The following GLB1L3 variants were observed in gnomAD, a reference collection of about 807,000 sequenced individuals.
GLB1L3 encodes the protein galactosidase beta 1 like 3.
In GLB1L3, 89 loss-of-function variants were observed where a neutral mutation model predicts 89.5. The ratio of observed to expected loss-of-function variants is 0.99; its 90% CI spans 0.84 to 1.19. GLB1L3 has a LOEUF of 1.19. Ranked by LOEUF, GLB1L3 falls within the 50% of genes most tolerant of loss-of-function variation. GLB1L3 has a pLI of 0.00. For synonymous variants in GLB1L3, 314 were observed against 312.3 expected, an observed-to-expected ratio of 1.01 and a Z score of -0.06; for missense variants, 812 against 813.3, an observed-to-expected ratio of 1.00 and a Z score of 0.02.
At chr11:134,300,356 A>G (rs1220403941) in intron 9 of GLB1L3, among the ~76,000 whole-genome samples, 19 of 140,196 alleles carry the variant, frequency 1.4e-4, no homozygotes. Flanking sequence ...TTTTTGAGAC[A>G]TAGTCTTGCT....
At chr11:134,283,156 G>T (rs1447698830) in intron 5 of GLB1L3, among the ~76,000 whole-genome samples, 2 of 151,978 alleles carry the variant, frequency 1.3e-5, no homozygotes, top group African/African-American at 4.8e-5. Context: ...TCTGCCTCCC[G>T]GGTTCAAGCG....
Position 134,276,434 on chromosome 11 carries a change from A to AC in GLB1L3, c.-303dup, listed in dbSNP as rs943717986. ...TTAGGAAGCCCGAGGTCGGGGCGTT[A>AC]CCCCAAGGGCCCTCCCGCTTCCCCT... On this transcript the variant is annotated 5_prime_UTR_variant, in exon 1 of 20. Transcript: ENST00000431683. 2 of 316,912 alleles carry AC rather than the reference A, an allele frequency of 6.3e-6. No individual in the cohort carries two copies. Among genetic ancestry groups the AC allele is most frequent in the African/African-American group, 4.3e-5 (2 of 46,046 alleles). 19.6% of individuals were successfully genotyped at this position (316,912 alleles called of 1,614,324 possible).
intron 18 of GLB1L3, among the ~76,000 whole-genome samples, chr11:134,318,213 T>A (rs1480283223): frequency 2.0e-5 from 3 of 152,196 alleles, no homozygotes; most frequent in African/African-American, 7.2e-5. Context: ...CCTAGATGTC[T>A]CCTTGTCTCT....
chr11:134,286,503 CG>C (rs1214450678), intron 6 of GLB1L3, among the ~76,000 whole-genome samples: 3 of 79,236 alleles, frequency 3.8e-5, no homozygotes, highest in Non-Finnish European at 8.1e-5. Flanking sequence ...TGGCCGGGCG[CG>C]GTGGCTCACG....
In GLB1L3 at chr11:134,288,876, C is replaced by G; in HGVS notation, c.715C>G (p.Pro239Ala). Residue 239 changes from proline (P) to alanine (A), a missense_variant, in exon 7 of 20, where the codon CCG (proline) becomes GCG (alanine). Around this residue, in one of 3 missense-constraint regions of GLB1L3, gnomAD observed 618 missense variants for 604.0 expected, o/e 1.02. Coordinates refer to ENST00000431683, the MANE Select transcript of GLB1L3 (RefSeq NM_001080407.3). Reference protein sequence around the residue: ...GSFNKDKTYMPYLHKALLRRG... With the variant: ...GSFNKDKTYMAYLHKALLRRG... ...ATTCAATAAGGATAAAACATACATG[C>G]CGTATCTCCACAAGGTAAGAGGGCC... 6.2e-7 allele frequency: 1 copy of G among 1,611,258 alleles called. No individual in the cohort carries two copies. Among genetic ancestry groups the G allele is most frequent in the Non-Finnish European group, 8.5e-7 (1 of 1,178,204 alleles).
Position 134,276,438 on chromosome 11 carries a change from C to G in GLB1L3, c.-303C>G, listed in dbSNP as rs983776871. The G allele has an allele frequency of 9.2e-6, 3 of 326,294 alleles. No homozygotes were observed. The highest frequency in any genetic ancestry group is 2.2e-5 in the African/African-American group (1 of 46,500). The allele number at this position is 326,294 out of a possible 1,614,324, so 20.2% of individuals were successfully genotyped here. On this transcript the variant is annotated 5_prime_UTR_variant, in exon 1 of 20. Transcript: ENST00000431683. ...GAAGCCCGAGGTCGGGGCGTTACCC[C>G]AAGGGCCCTCCCGCTTCCCCTCCGA...
chr11:134,302,005 C>G (rs1035363293), intron 9 of GLB1L3, among the ~76,000 whole-genome samples: 1 of 152,006 alleles, frequency 6.6e-6, no homozygotes, highest in South Asian at 2.1e-4. Context: ...TTAATGCCTT[C>G]TTATCAATTT....
chr11:134,292,357 C>T (rs1206166918), intron 8 of GLB1L3, 144 bp downstream of exon 8: 3 of 610,170 alleles, frequency 4.9e-6, no homozygotes, highest in East Asian at 5.6e-5. Context: ...TTCGATGTTA[C>T]AATAAATGAG....
rs1424690271 is a variant in GLB1L3, at chr11:134,277,335, CTCCTGGAAGAGAATGGCGGGCATCTTTT to C, written c.39_66del (p.Trp13CysfsTer35). 5 of 1,613,860 alleles carry C rather than the reference CTCCTGGAAGAGAATGGCGGGCATCTTTT, an allele frequency of 3.1e-6. No individual in the cohort carries two copies. Among genetic ancestry groups the C allele is most frequent in the African/African-American group, 1.3e-5 (1 of 74,952 alleles). ...TCCTTTCTCCTTTCAGCCCGTGTCT[CTCCTGGAAGAGAATGGCGGGCATCTTTT>C]TCCTGCCATTTATCTCATCAGGTTT... On this transcript the variant is annotated frameshift_variant, in exon 2 of 20. Transcript: ENST00000431683. LOFTEE classifies it high-confidence loss of function.
At chr11:134,316,806 C>G (rs1162001328) in intron 18 of GLB1L3, 3 of 152,216 alleles carry the variant, frequency 2.0e-5, no homozygotes, top group African/African-American at 7.2e-5. Flanking sequence ...ACTTTTCCTT[C>G]ATACGGCTGT....
At chr11:134,308,450 C>CACT (rs1942461990) in intron 10 of GLB1L3, among the ~76,000 whole-genome samples, 2 of 66,164 alleles carry the variant, frequency 3.0e-5, no homozygotes, top group Admixed American at 3.0e-4. Flanking sequence ...CCACCATCAC[C>CACT]ACCACCACCA....
intron 17 of GLB1L3, 91 bp from the exon 18 acceptor site, chr11:134,314,239 C>G: frequency 1.2e-6 from 1 of 860,138 alleles, no homozygotes; most frequent in Non-Finnish European, 1.8e-6. Flanking sequence ...GAAACAGAAC[C>G]TTAGGCTCGG....
At chr11:134,275,854 T>G (rs972324845), upstream of GLB1L3, 3 of 152,274 alleles carry the variant, frequency 2.0e-5, no homozygotes, top group African/African-American at 7.2e-5. Context: ...TCGCAAGTCT[T>G]CCCGGAACCC....
Position 134,294,413 on chromosome 11 carries a change from C to T in GLB1L3, c.876+1204C>T, listed in dbSNP as rs113823895. Among the ~76,000 whole-genome samples the T allele has an allele frequency of 8.1e-3, 1,229 of 152,342 alleles. 17 individuals carry two copies. Among genetic ancestry groups the T allele is most frequent in the Non-Finnish European group, 8.0e-3 (542 of 68,044 alleles). ...TTTCCAACTCGGTGAAAGGCAGGGG[C>T]CCTGCCAGGGCTCTGTGGATCTGTG... is the stretch of plus-strand genomic sequence containing the variant. On this transcript the variant is annotated intron_variant, in intron 9 of 19. Coordinates refer to ENST00000431683, the MANE Select transcript of GLB1L3 (RefSeq NM_001080407.3).
chr11:134,303,932 A>G (rs1942065247), intron 9 of GLB1L3, among the ~76,000 whole-genome samples: 1 of 152,028 alleles, frequency 6.6e-6, no homozygotes, highest in African/African-American at 2.4e-5. Context: ...TGCTGACTTC[A>G]CTGCTGTGAT....
intron 3 of GLB1L3, among the ~76,000 whole-genome samples, chr11:134,278,551 G>A (rs914512000): frequency 9.9e-5 from 15 of 152,064 alleles, no homozygotes; most frequent in African/African-American, 3.4e-4. Flanking sequence ...GGAACACCAC[G>A]GTCGTCCTCA....
chr11:134,308,274 CCACCACCAAA>C, intron 10 of GLB1L3, among the ~76,000 whole-genome samples: 1 of 39,282 alleles, frequency 2.5e-5, no homozygotes, highest in Non-Finnish European at 5.1e-5. Context: ...ACCACCACCA[CCACCACCAAA>C]TACCACCACC....
intron 9 of GLB1L3, among the ~76,000 whole-genome samples, chr11:134,302,751 A>G (rs897084527): frequency 2.6e-5 from 4 of 152,276 alleles, no homozygotes; most frequent in Middle Eastern, 6.8e-3. Context: ...ATGTCCTATC[A>G]ATGGTCAGTT....
intron 7 of GLB1L3, among the ~76,000 whole-genome samples, chr11:134,291,397 T>A (rs1291498263): frequency 6.6e-6 from 1 of 151,988 alleles, no homozygotes; most frequent in East Asian, 1.9e-4. Flanking sequence ...GTAGCTGGAA[T>A]TACAGGTATG....
Sources: gnomAD v4.1 joint callset for allele counts (sites outside exome capture counted in the v4.1 genomes callset) on GRCh38, gnomAD v4.1.1 for gene constraint, gnomAD v4.1.1 regional missense constraint, MANE v1.5 for transcripts, NCBI Gene and HGNC (gene_info 2026-07-23, HGNC 2026-07-21) for gene names.